Variants in CSMD3 observed in about 807,000 individuals in gnomAD.
CSMD3 encodes the protein CUB and sushi domain-containing protein 3.
CSMD3 carries 177 observed loss-of-function variants against 435.2 expected under a neutral mutation model. The ratio of observed to expected loss-of-function variants is 0.41; its 90% confidence interval spans 0.36 to 0.46. CSMD3 has a LOEUF of 0.46. Ranked by LOEUF, CSMD3 falls within the 20% of genes least tolerant of loss-of-function variation. CSMD3 has a pLI of 0.34. For synonymous variants in CSMD3, 1,656 were observed against 1,520.5 expected, an observed-to-expected ratio of 1.09 and a Z score of -2.07; for missense variants, 4,265 against 4,504.6, an observed-to-expected ratio of 0.95 and a Z score of 1.52.
In CSMD3 at chr8:113,173,850, A is replaced by T. The variant is rs1400505894; in HGVS notation, c.581T>A (p.Phe194Tyr). Residue 194 changes from phenylalanine (F) to tyrosine (Y), a missense_variant, in exon 4 of 71, where the codon TTC becomes TAC. Physicochemically the swap from Phe to Tyr is conservative, Grantham distance 22. Coordinates refer to ENST00000297405, the MANE Select transcript of CSMD3 (RefSeq NM_198123.2). ...PPKGVLYGTR[F>Y]DVGDKIRYSC... ...GTAGCGGATCTTGTCCCCGACGTCG[A>T]ATCTTGTGCCATATAATACACCTTT... The T allele has an allele frequency of 6.2e-6, 10 of 1,613,950 alleles. No individual in the cohort carries two copies. The highest frequency in any genetic ancestry group is 8.5e-6 in the Non-Finnish European group (10 of 1,179,886).
At chr8:113,410,226 C>T (rs1309524602) in intron 1 of CSMD3, among the ~76,000 whole-genome samples, 1 of 152,130 alleles carries the variant, frequency 6.6e-6, no homozygotes, top group African/African-American at 2.4e-5. Flanking sequence ...TACCAGACCT[C>T]GGGCAATTCC....
intron 9 of CSMD3, among the ~76,000 whole-genome samples, chr8:112,928,551 T>C (rs1587692852): frequency 6.6e-6 from 1 of 151,978 alleles, no homozygotes; most frequent in Admixed American, 6.6e-5. Flanking sequence ...GGTTTTTTGT[T>C]CTTGCGATAG....
intron 13 of CSMD3, among the ~76,000 whole-genome samples, chr8:112,780,012 C>T (rs1342546888): frequency 6.6e-6 from 1 of 151,858 alleles, no homozygotes; most frequent in Non-Finnish European, 1.5e-5. Flanking sequence ...ATTTCTTCCC[C>T]AATTAGATAT....
intron 12 of CSMD3, among the ~76,000 whole-genome samples, chr8:112,815,723 C>G (rs551378436): frequency 6.6e-6 from 1 of 152,054 alleles, no homozygotes; most frequent in African/African-American, 2.4e-5. Context: ...CAAATGCAAG[C>G]AAAACAGAAG....
At chr8:112,291,384 C>G in intron 56 of CSMD3, 126 bp downstream of exon 56, 1 of 733,892 alleles carries the variant, frequency 1.4e-6, no homozygotes, top group Non-Finnish European at 2.3e-6. Flanking sequence ...AATTTCAAAA[C>G]AGTAAAACAA....
chr8:112,484,281 T>C (rs1386502032), intron 31 of CSMD3, among the ~76,000 whole-genome samples: 1 of 152,160 alleles, frequency 6.6e-6, no homozygotes, highest in Non-Finnish European at 1.5e-5. Flanking sequence ...AGCACATGAA[T>C]AGTAAAAGTT....
chr8:113,293,071 C>A (rs2093697050), intron 2 of CSMD3, among the ~76,000 whole-genome samples: 2 of 152,008 alleles, frequency 1.3e-5, no homozygotes, highest in South Asian at 4.1e-4. Flanking sequence ...CACACCTTCA[C>A]TCTAGCTATG....
At chr8:112,364,862 A>G (rs1416552077) in intron 38 of CSMD3, among the ~76,000 whole-genome samples, 1 of 152,154 alleles carries the variant, frequency 6.6e-6, no homozygotes, top group African/African-American at 2.4e-5. Flanking sequence ...TTGTCAGTTT[A>G]AGAATTGATT....
intron 27 of CSMD3, among the ~76,000 whole-genome samples, chr8:112,535,438 A>G (rs995652806): frequency 2.0e-5 from 3 of 151,330 alleles, no homozygotes; most frequent in Non-Finnish European, 4.4e-5. Flanking sequence ...CAAAGAGAAT[A>G]AAATACCTAG....
At chr8:113,029,615 G>C (rs879199197) in intron 5 of CSMD3, among the ~76,000 whole-genome samples, 2 of 151,466 alleles carry the variant, frequency 1.3e-5, no homozygotes, top group East Asian at 1.9e-4. Context: ...TGGCATACAA[G>C]GGACATATCT....
At chr8:112,872,702 A>G in intron 10 of CSMD3, among the ~76,000 whole-genome samples, 1 of 152,004 alleles carries the variant, frequency 6.6e-6, no homozygotes, top group East Asian at 1.9e-4. Flanking sequence ...CATGGTATTA[A>G]GTCACCAATA....
At chr8:112,640,456 A>G (rs986723989) in intron 20 of CSMD3, among the ~76,000 whole-genome samples, 3 of 152,170 alleles carry the variant, frequency 2.0e-5, no homozygotes, top group Non-Finnish European at 4.4e-5. Context: ...AAATGAGACC[A>G]AAACAAATGA....
chr8:112,998,903 CT>C (rs2085756410), intron 6 of CSMD3, among the ~76,000 whole-genome samples: 1 of 151,956 alleles, frequency 6.6e-6, no homozygotes. Context: ...CTTTCAATGA[CT>C]GTAAGTTTCC....
At chr8:113,024,928 C>A (rs1353974314) in intron 5 of CSMD3, among the ~76,000 whole-genome samples, 5 of 152,186 alleles carry the variant, frequency 3.3e-5, no homozygotes, top group African/African-American at 1.2e-4. Context: ...CCACGCTCTA[C>A]CTCCATGTGT....
At chr8:112,741,812 G>GATAT (rs1173990354) in intron 13 of CSMD3, among the ~76,000 whole-genome samples, 2 of 151,744 alleles carry the variant, frequency 1.3e-5, no homozygotes, top group Non-Finnish European at 2.9e-5. Context: ...TAGATAGATA[G>GATAT]ATAGATAGAT....
At chr8:113,050,404 C>A (rs898792834) in intron 5 of CSMD3, among the ~76,000 whole-genome samples, 1 of 151,908 alleles carries the variant, frequency 6.6e-6, no homozygotes, top group Non-Finnish European at 1.5e-5. Flanking sequence ...CATTCAATTA[C>A]CTACAGAAAT....
At chr8:113,405,071 A>G (rs914883241) in intron 1 of CSMD3, among the ~76,000 whole-genome samples, 3 of 151,538 alleles carry the variant, frequency 2.0e-5, no homozygotes, top group Non-Finnish European at 4.4e-5. Context: ...TACATGGATG[A>G]AAATTTCTTT....
intron 5 of CSMD3, among the ~76,000 whole-genome samples, chr8:113,083,096 A>T (rs1282114381): frequency 6.6e-6 from 1 of 152,136 alleles, no homozygotes; most frequent in Non-Finnish European, 1.5e-5. Context: ...AAGCAGATAG[A>T]TCCCCAAACT....
At chr8:113,328,750 T>TTTTTTTTTTTTTTG in intron 1 of CSMD3, among the ~76,000 whole-genome samples, 1 of 129,692 alleles carries the variant, frequency 7.7e-6, no homozygotes, top group Admixed American at 8.2e-5. Context: ...TTTTTTTTTT[T>TTTTTTTTTTTTTTG]TTTTTTTTTG....
Sources: allele counts gnomAD v4.1 joint callset (sites outside exome capture counted in the v4.1 genomes callset), GRCh38; gene constraint gnomAD v4.1.1; transcripts MANE v1.5; gene names NCBI Gene and HGNC (gene_info 2026-07-23, HGNC 2026-07-21).